SMC3: variants seen among roughly 807,000 people sequenced by gnomAD.
The protein encoded by SMC3 is structural maintenance of chromosomes protein 3.
Under a neutral mutation model 171.8 loss-of-function variants are expected in SMC3, and 20 were observed. The observed-to-expected ratio is 0.12, with a 90% confidence interval of 0.08 to 0.17. SMC3 has a LOEUF of 0.17. Among genes scored for constraint, SMC3 ranks in the 10% least tolerant of loss-of-function variants. The pLI is 1.00. For missense variants in SMC3, 543 were observed against 1,420.4 expected (o/e 0.38, Z 9.93); for synonymous variants, 464 against 451.1 (o/e 1.03, Z -0.36).
chr10:110,568,096 G>A (rs911551540), intron 1 of SMC3, among the ~76,000 whole-genome samples: 11 of 152,112 alleles, frequency 7.2e-5, no homozygotes, highest in African/African-American at 2.7e-4. Context: ...GGTGTGGAAG[G>A]GCCGGCGGGC....
At position 110,600,574 on chromosome 10, in the gene SMC3, T is replaced by A. The variant is rs942131010; in HGVS notation, c.2535+28T>A. On this transcript the variant is annotated intron_variant, in intron 22 of 28. Coordinates refer to ENST00000361804, the MANE Select transcript of SMC3 (RefSeq NM_005445.4). ...GTGTATGTGTTTTTTTTTTTTTTTT[T>A]AAGGGCTCCTTGGTGGCCATGACCT... 1.3e-4 allele frequency: 134 copies of A among 1,057,008 alleles called. 2 individuals carry two copies. The South Asian group carries it at 1.3e-3, about 11-fold the overall frequency. The allele number at this position is 1,057,008 out of a possible 1,614,324, so 65.5% of individuals were successfully genotyped here.
intron 12 of SMC3, 33 bp from the exon 13 acceptor site, chr10:110,584,147 TCTC>T (rs777254594): frequency 6.3e-7 from 1 of 1,590,106 alleles, no homozygotes; most frequent in Non-Finnish European, 8.6e-7. Context: ...TGGTTATTAT[TCTC>T]CTTTTCATCC....
intron 4 of SMC3, among the ~76,000 whole-genome samples, chr10:110,575,744 T>C (rs1374455076): frequency 1.3e-5 from 2 of 152,220 alleles, no homozygotes; most frequent in Non-Finnish European, 2.9e-5. Flanking sequence ...AAAGGCCTAA[T>C]TTTTATGTGA....
intron 23 of SMC3, among the ~76,000 whole-genome samples, 153 bp from the exon 24 acceptor site, chr10:110,601,484 T>C (rs1861386504): frequency 6.6e-6 from 1 of 152,230 alleles, no homozygotes; most frequent in Non-Finnish European, 1.5e-5. Context: ...TCTAATTTTG[T>C]ACTGACTTAA....
chr10:110,583,101 AG>A (rs2134726283), intron 10 of SMC3, among the ~76,000 whole-genome samples: 1 of 152,194 alleles, frequency 6.6e-6, no homozygotes, highest in African/African-American at 2.4e-5. Context: ...TATGTTGCCC[AG>A]GCTGGTTTTG....
At position 110,567,843 on chromosome 10, in the gene SMC3, G is replaced by C. The variant is rs752103175; in HGVS notation, c.15+12G>C. On this transcript the variant is annotated intron_variant, in intron 1 of 28. Transcript: ENST00000361804. ...TGTACATAAAGCAGGTAAGGCCTTC[G>C]CGTCCCTCCACCCCGTCATGGGCCG... is the stretch of plus-strand genomic sequence containing the variant. 7 of 1,613,272 alleles carry C rather than the reference G, an allele frequency of 4.3e-6. No homozygotes were observed. In the South Asian group the frequency reaches 7.7e-5, roughly 18 times the overall value.
Position 110,589,753 on chromosome 10 carries a change from G to A in SMC3, c.1409+45G>A, listed in dbSNP as rs375627255. ...TGCATTAATGTTTTCAGTAATGTTC[G>A]TTACTAGCTGTTATGTGGTCTTTAA... On this transcript the variant is annotated intron_variant, in intron 14 of 28. Coordinates refer to ENST00000361804, the MANE Select transcript of SMC3 (RefSeq NM_005445.4). The A allele has an allele frequency of 2.3e-4, 327 of 1,404,284 alleles. 2 individuals carry two copies. The highest frequency in any genetic ancestry group is 1.2e-3 in the South Asian group (100 of 86,056). The allele number at this position is 1,404,284 out of a possible 1,614,324, so 87.0% of individuals were successfully genotyped here.
rs565820159 is a variant in SMC3, at chr10:110,585,316, G to T, written c.1305+920G>T. Among the ~76,000 whole-genome samples the T allele has an allele frequency of 8.0e-5, 11 of 136,876 alleles. No homozygotes were observed. In the East Asian group the frequency reaches 2.3e-3, roughly 29 times the overall value. The allele number at this position is 136,876 out of a possible 152,430, so 89.8% of individuals were successfully genotyped here. On this transcript the variant is annotated intron_variant, in intron 13 of 28. Transcript: ENST00000361804. ...TTTTTTTTTTTTTTTTTTAATACGA[G>T]TCTCACTGTGTCACCCAGTCTGGAG...
At chr10:110,583,793 A>G in intron 11 of SMC3, 48 bp from the exon 12 acceptor site, 2 of 1,604,634 alleles carry the variant, frequency 1.2e-6, no homozygotes, top group Non-Finnish European at 1.7e-6. Flanking sequence ...GCTAGACCTA[A>G]ATTATGCAAA....
In SMC3 at chr10:110,567,745, C is replaced by A; in HGVS notation, c.-72C>A. 1 of 1,589,752 alleles carries A rather than the reference C, an allele frequency of 6.3e-7. No individual in the cohort carries two copies. The highest frequency in any genetic ancestry group is 8.6e-7 in the Non-Finnish European group (1 of 1,159,270). Reference sequence around the variant, plus strand: ...CTTTGGGGGAGGGGTCGCGTAGGCGCCTCACCTGACCCTGCGGCCGTGCGG... The same window carrying A: ...CTTTGGGGGAGGGGTCGCGTAGGCGACTCACCTGACCCTGCGGCCGTGCGG... On this transcript the variant is annotated 5_prime_UTR_variant, in exon 1 of 29. Coordinates refer to ENST00000361804, the MANE Select transcript of SMC3 (RefSeq NM_005445.4).
At chr10:110,582,460 GTTAC>G (rs892696231) in intron 9 of SMC3, 98 bp from the exon 10 acceptor site, 3 of 822,744 alleles carry the variant, frequency 3.6e-6, no homozygotes, top group African/African-American at 1.7e-5. Context: ...AATTTGAGCA[GTTAC>G]TTTTGGTTTA....
intron 4 of SMC3, 85 bp downstream of exon 4, chr10:110,575,488 C>A: frequency 1.0e-6 from 1 of 972,968 alleles, no homozygotes; most frequent in South Asian, 1.4e-5. Flanking sequence ...AGCATTTGTT[C>A]AAGTTTCAGA....
chr10:110,597,496 A>C (rs12415574), intron 19 of SMC3, among the ~76,000 whole-genome samples: 17,759 of 152,264 alleles, frequency 0.12, 1,220 homozygotes, highest in East Asian at 0.26. Context: ...GTGAAACTGG[A>C]ATTTTTTTAA....
chr10:110,569,143 T>A, intron 2 of SMC3, 130 bp downstream of exon 2: 1 of 706,680 alleles, frequency 1.4e-6, no homozygotes, highest in East Asian at 2.7e-5. Context: ...CTGCGTGAAA[T>A]AACTTTTCTG....
intron 1 of SMC3, among the ~76,000 whole-genome samples, chr10:110,568,169 GGGGCGGCCGC>G (rs1860805999): frequency 6.6e-6 from 1 of 152,168 alleles, no homozygotes; most frequent in East Asian, 1.9e-4. Context: ...GCACCCCGCC[GGGGCGGCCGC>G]GGGCGGGAAG....
At chr10:110,584,958 C>G (rs369087715) in intron 13 of SMC3, among the ~76,000 whole-genome samples, 16 of 151,480 alleles carry the variant, frequency 1.1e-4, no homozygotes, top group African/African-American at 3.9e-4. Flanking sequence ...TAGCATGTGT[C>G]TTACATACCC....
At position 110,582,724 on chromosome 10, in the gene SMC3, A is replaced by G. The variant is rs1861050915; in HGVS notation, c.804+82A>G. ...TGTTCTGTCATCCAGGCTGGAGTAC[A>G]GTGGTGCCATCATGGCTCATTGTAG... is the stretch of plus-strand genomic sequence containing the variant. On this transcript the variant is annotated intron_variant, in intron 10 of 28. Transcript: ENST00000361804. 5 of 1,044,558 alleles carry G rather than the reference A, an allele frequency of 4.8e-6. No individual in the cohort carries two copies. The Admixed American group carries it at 7.6e-5, about 16-fold the overall frequency. 64.7% of individuals were successfully genotyped at this position (1,044,558 alleles called of 1,614,324 possible).
intron 8 of SMC3, 86 bp from the exon 9 acceptor site, chr10:110,581,831 TTAAAAA>T: frequency 8.8e-7 from 1 of 1,133,776 alleles, no homozygotes. Context: ...GCTACAGTTC[TTAAAAA>T]TAATTTAATT....
intron 1 of SMC3, 147 bp downstream of exon 1, chr10:110,567,978 C>A: frequency 1.0e-6 from 1 of 999,436 alleles, no homozygotes; most frequent in Non-Finnish European, 1.5e-6. Flanking sequence ...GGAGGGAGAC[C>A]CGGGTCCCGC....
Sources: gnomAD v4.1 joint callset for allele counts (sites outside exome capture counted in the v4.1 genomes callset) on GRCh38, gnomAD v4.1.1 for gene constraint, MANE v1.5 for transcripts, NCBI Gene and HGNC (gene_info 2026-07-23, HGNC 2026-07-21) for gene names.